Variants in DLG2 observed in about 807,000 individuals in gnomAD.
DLG2 encodes discs large MAGUK scaffold protein 2.
DLG2 carries 45 observed loss-of-function variants against 132.5 expected under a neutral mutation model. The observed-to-expected ratio is 0.34, with a 90% CI of 0.27 to 0.44. The LOEUF is 0.44. Among genes scored for constraint, DLG2 ranks in the 20% least tolerant of loss-of-function variants. The pLI is 1.00. For missense variants in DLG2, 1,045 were observed against 1,196.9 expected, an observed-to-expected ratio of 0.87 and a Z score of 1.87; for synonymous variants, 424 against 419.6, an observed-to-expected ratio of 1.01 and a Z score of -0.13.
intron 7 of DLG2, among the ~76,000 whole-genome samples, chr11:84,335,027 G>A (rs2098477226): frequency 6.6e-6 from 1 of 151,990 alleles, no homozygotes; most frequent in African/African-American, 2.4e-5. Flanking sequence ...GCTAAAATTT[G>A]CAGCCTCAAA....
chr11:84,005,574 T>G (rs781135890), intron 11 of DLG2, among the ~76,000 whole-genome samples: 1 of 151,832 alleles, frequency 6.6e-6, no homozygotes, highest in Non-Finnish European at 1.5e-5. Context: ...TGGGAGAAAA[T>G]GGTTGCAAAC....
chr11:85,341,339 C>T (rs1194204379), intron 3 of DLG2, among the ~76,000 whole-genome samples: 2 of 152,146 alleles, frequency 1.3e-5, no homozygotes. Context: ...CCAAGATGGT[C>T]TCCATCTCCT....
intron 6 of DLG2, among the ~76,000 whole-genome samples, chr11:85,067,855 G>T (rs992252275): frequency 1.2e-4 from 19 of 152,128 alleles, no homozygotes; most frequent in Middle Eastern, 3.4e-3. Context: ...CAAAAAAAGA[G>T]AATTTTGGAC....
At chr11:84,217,070 T>A (rs1045293107) in intron 8 of DLG2, among the ~76,000 whole-genome samples, 3 of 152,236 alleles carry the variant, frequency 2.0e-5, no homozygotes, top group South Asian at 2.1e-4. Context: ...CTTAGCAGAA[T>A]GTTTCCTAAA....
chr11:85,194,170 C>T (rs1038003525), intron 4 of DLG2, among the ~76,000 whole-genome samples: 5 of 152,222 alleles, frequency 3.3e-5, no homozygotes, highest in African/African-American at 1.2e-4. Flanking sequence ...CTCCCAACTG[C>T]ATTTGGAGTC....
At chr11:84,582,124 C>A (rs2154529277) in intron 6 of DLG2, among the ~76,000 whole-genome samples, 1 of 151,834 alleles carries the variant, frequency 6.6e-6, no homozygotes, top group Non-Finnish European at 1.5e-5. Context: ...GTGAGACGAA[C>A]TATAGCTTTC....
intron 11 of DLG2, among the ~76,000 whole-genome samples, chr11:84,031,914 A>G (rs1593499242): frequency 1.3e-5 from 2 of 152,180 alleles, no homozygotes; most frequent in East Asian, 3.9e-4. Flanking sequence ...AAAATTTTTA[A>G]TGATTATTAT....
intron 21 of DLG2, among the ~76,000 whole-genome samples, chr11:83,518,123 A>C (rs540041232): frequency 6.6e-5 from 10 of 152,320 alleles, no homozygotes; most frequent in African/African-American, 2.2e-4. Context: ...CCAGAGGTGG[A>C]GTCTACAGAG....
At chr11:83,649,924 C>T (rs1009968783) in intron 18 of DLG2, among the ~76,000 whole-genome samples, 8 of 152,152 alleles carry the variant, frequency 5.3e-5, no homozygotes, top group African/African-American at 1.7e-4. Flanking sequence ...GCTTTGGCTT[C>T]CTTTAGTCAG....
At chr11:84,601,785 A>G (rs1222588692) in intron 6 of DLG2, among the ~76,000 whole-genome samples, 1 of 152,100 alleles carries the variant, frequency 6.6e-6, no homozygotes. Flanking sequence ...TTCTTGAATA[A>G]TCATGACTAT....
chr11:85,050,905 G>C (rs1040670642), intron 6 of DLG2, among the ~76,000 whole-genome samples: 1 of 151,956 alleles, frequency 6.6e-6, no homozygotes, highest in African/African-American at 2.4e-5. Flanking sequence ...TTATTGTAAG[G>C]CTTAATAGAT....
intron 2 of DLG2, among the ~76,000 whole-genome samples, chr11:85,603,582 G>T (rs2080314845): frequency 6.6e-6 from 1 of 150,560 alleles, no homozygotes; most frequent in African/African-American, 2.5e-5. Flanking sequence ...AGCTTCTGTG[G>T]CATTGTTGTA....
At chr11:83,819,936 C>T (rs1565198317) in intron 17 of DLG2, among the ~76,000 whole-genome samples, 2 of 147,706 alleles carry the variant, frequency 1.4e-5, no homozygotes, top group African/African-American at 5.2e-5. Context: ...ATACAGGACC[C>T]TCACAATAAT....
In DLG2 at chr11:83,664,312, G is replaced by T. The variant is rs115221291; in HGVS notation, c.1826-30987C>A. Among the ~76,000 whole-genome samples the T allele has an allele frequency of 5.8e-3, 882 of 152,314 alleles. 9 individuals are homozygous for T. The highest frequency in any genetic ancestry group is 0.02 in the African/African-American group (826 of 41,564). On this transcript the variant is annotated intron_variant, in intron 18 of 27. Coordinates refer to ENST00000376104, the MANE Select transcript of DLG2 (RefSeq NM_001142699.3). ...TTTTTACTAGAGAGGTTATGTAGTTGCAAGGAATTAAATGTCTGCATATTT... is the reference window on the plus strand; with the variant it reads ...TTTTTACTAGAGAGGTTATGTAGTTTCAAGGAATTAAATGTCTGCATATTT...
chr11:84,409,612 T>C (rs1376086313), intron 7 of DLG2, among the ~76,000 whole-genome samples: 1 of 152,222 alleles, frequency 6.6e-6, no homozygotes, highest in Admixed American at 6.6e-5. Context: ...ATAAGCTTTA[T>C]GTAAACTGAT....
Position 83,895,212 on chromosome 11 carries a change from T to C in DLG2, c.1497-20724A>G, listed in dbSNP as rs966153090. Among the ~76,000 whole-genome samples, 44 of 138,234 alleles carry C rather than the reference T, an allele frequency of 3.2e-4. 2 individuals carry two copies. Among genetic ancestry groups the C allele is most frequent in the African/African-American group, 1.2e-3 (43 of 36,670 alleles). The allele number at this position is 138,234 out of a possible 152,430, so 90.7% of individuals were successfully genotyped here. A position where few individuals can be genotyped will look rare whatever the true frequency, so the allele number is the denominator to read the frequency against. On this transcript the variant is annotated intron_variant, in intron 15 of 27. Coordinates refer to ENST00000376104, the MANE Select transcript of DLG2 (RefSeq NM_001142699.3). ...TGTTGCCCAGGTTGCCAGGCTGGAG[T>C]GCAATGGCAAGATCTCAGCTCACCG...
intron 6 of DLG2, among the ~76,000 whole-genome samples, chr11:84,862,092 C>T (rs1238481200): frequency 6.6e-6 from 1 of 151,420 alleles, no homozygotes; most frequent in Non-Finnish European, 1.5e-5. Flanking sequence ...TGCTAGATGA[C>T]GAGTTAGTGC....
intron 4 of DLG2, among the ~76,000 whole-genome samples, chr11:85,157,707 A>G (rs1228910453): frequency 6.6e-6 from 1 of 152,130 alleles, no homozygotes; most frequent in Non-Finnish European, 1.5e-5. Context: ...TCCTGTAGAG[A>G]AAGATATGAA....
Position 84,720,480 on chromosome 11 carries a change from G to T in DLG2, c.358-185749C>A, listed in dbSNP as rs987819544. 4 of 985,084 alleles carry T rather than the reference G, an allele frequency of 4.1e-6. No homozygotes were observed. In the African/African-American group the frequency reaches 7.0e-5, roughly 17 times the overall value. The allele number at this position is 985,084 out of a possible 1,614,324, so 61.0% of individuals were successfully genotyped here. ...GGCACATGGAGCGACAGCCTAGACCGAGCTGCCGCTTCGATCACTGCCCCC... is the reference window on the plus strand; with the variant it reads ...GGCACATGGAGCGACAGCCTAGACCTAGCTGCCGCTTCGATCACTGCCCCC... On this transcript the variant is annotated intron_variant, in intron 6 of 27. Transcript: ENST00000376104.
Sources: allele counts gnomAD v4.1 joint callset (sites outside exome capture counted in the v4.1 genomes callset), GRCh38; gene constraint gnomAD v4.1.1; transcripts MANE v1.5; gene names NCBI Gene and HGNC (gene_info 2026-07-23, HGNC 2026-07-21).